PTPN4: variants seen among roughly 807,000 people sequenced by gnomAD.
PTPN4 encodes tyrosine-protein phosphatase non-receptor type 4.
PTPN4 carries 49 observed loss-of-function variants against 135.5 expected under a neutral mutation model. The ratio of observed to expected loss-of-function variants is 0.36; its 90% CI spans 0.29 to 0.46. The LOEUF (loss-of-function observed/expected upper bound fraction) is 0.46, where lower values mean the gene tolerates loss of function less well. Among genes scored for constraint, PTPN4 ranks in the 20% least tolerant of loss-of-function variants. PTPN4 has a pLI of 1.00. For missense variants in PTPN4, 860 were observed against 1,101.0 expected (o/e 0.78, Z 3.10); for synonymous variants, 333 against 369.9 (o/e 0.90, Z 1.14).
intron 9 of PTPN4, among the ~76,000 whole-genome samples, chr2:119,888,364 C>G (rs55896306): frequency 6.6e-5 from 10 of 152,158 alleles, no homozygotes; most frequent in African/African-American, 1.9e-4. Context: ...AGTGTTCTGG[C>G]TAGGACTTCC....
rs116645892 is a variant in PTPN4 at position 119,794,169 on chromosome 2, G to A, written c.-17-15668G>A. 3.3e-3 allele frequency among the ~76,000 whole-genome samples: 501 copies of A among 152,084 alleles called. 2 individuals carry two copies. Among genetic ancestry groups the A allele is most frequent in the African/African-American group, 0.011 (474 of 41,490 alleles). The stretch of plus-strand genomic sequence containing the variant: ...GGCCAGATTTTTTTTTAACAGCTTT[G>A]TTGAGGTAAAGTAGCATATAATAAG... On this transcript the variant is annotated intron_variant, in intron 1 of 26. Coordinates refer to ENST00000263708, the MANE Select transcript of PTPN4 (RefSeq NM_002830.4).
At chr2:119,922,218 TAAAAA>T (rs34480531) in intron 12 of PTPN4, among the ~76,000 whole-genome samples, 1 of 120,874 alleles carries the variant, frequency 8.3e-6, no homozygotes, top group East Asian at 2.5e-4. Context: ...CAATCTGATT[TAAAAA>T]AAAAAAAAAA....
intron 1 of PTPN4, among the ~76,000 whole-genome samples, chr2:119,797,680 T>C (rs1691287033): frequency 6.6e-6 from 1 of 152,244 alleles, no homozygotes; most frequent in Non-Finnish European, 1.5e-5. Context: ...CTAAATCCTT[T>C]AATCTCTATT....
At position 119,761,370 on chromosome 2, in the gene PTPN4, G is replaced by A. The variant is rs145744171; in HGVS notation, c.-18+986G>A. On this transcript the variant is annotated intron_variant, in intron 1 of 26. Coordinates refer to ENST00000263708, the MANE Select transcript of PTPN4 (RefSeq NM_002830.4). Reference sequence around the variant, plus strand: ...AAAAATTTTTTTTCAATTTTAAGGGGGAAGGAGATGGCCTTAAAATAAAGG... The same window carrying A: ...AAAAATTTTTTTTCAATTTTAAGGGAGAAGGAGATGGCCTTAAAATAAAGG... Among the ~76,000 whole-genome samples the A allele has an allele frequency of 3.2e-3, 494 of 152,228 alleles. 2 individuals are homozygous for A. The highest frequency in any genetic ancestry group is 0.011 in the African/African-American group (467 of 41,544).
chr2:119,855,364 T>C (rs1383325644), intron 2 of PTPN4, among the ~76,000 whole-genome samples: 3 of 152,204 alleles, frequency 2.0e-5, no homozygotes, highest in Non-Finnish European at 4.4e-5. Context: ...ATAGTACAAG[T>C]TCCCTTACAA....
At chr2:119,946,097 G>A (rs947814292) in intron 16 of PTPN4, among the ~76,000 whole-genome samples, 8 of 151,996 alleles carry the variant, frequency 5.3e-5, no homozygotes, top group African/African-American at 1.9e-4. Flanking sequence ...CATGGCCCCT[G>A]TTCCTCCTGT....
At chr2:119,952,178 T>A (rs1290203459) in intron 19 of PTPN4, 49 bp downstream of exon 19, 4 of 1,498,484 alleles carry the variant, frequency 2.7e-6, no homozygotes, top group Non-Finnish European at 3.7e-6. Context: ...TTATTACTGT[T>A]CATTACTGAG....
At position 119,884,173 on chromosome 2, in the gene PTPN4, C is replaced by T. The variant is rs1013652406; in HGVS notation, c.587+1550C>T. Among the ~76,000 whole-genome samples, 31 of 152,254 alleles carry T rather than the reference C, an allele frequency of 2.0e-4. 1 individual carries two copies. Among genetic ancestry groups the T allele is most frequent in the Admixed American group, 1.7e-3 (26 of 15,286 alleles). ...TTGGCCTCCCAAAGTGCTGGGATTA[C>T]AGGCGTGAGCCACCACGCCCAGCCC... On this transcript the variant is annotated intron_variant, in intron 8 of 26. Coordinates refer to ENST00000263708, the MANE Select transcript of PTPN4 (RefSeq NM_002830.4).
chr2:119,932,859 GGTT>G (rs1459658352), intron 14 of PTPN4, among the ~76,000 whole-genome samples: 1 of 152,154 alleles, frequency 6.6e-6, no homozygotes, highest in African/African-American at 2.4e-5. Flanking sequence ...AATCTTGTAT[GGTT>G]GTTGTTGACA....
At chr2:119,969,518 C>G (rs1679495084) in intron 26 of PTPN4, among the ~76,000 whole-genome samples, 1 of 151,448 alleles carries the variant, frequency 6.6e-6, no homozygotes, top group Non-Finnish European at 1.5e-5. Context: ...TTAAATAAAA[C>G]CGCAGTACAA....
chr2:119,839,308 A>G (rs1212363530), intron 2 of PTPN4, among the ~76,000 whole-genome samples: 1 of 152,208 alleles, frequency 6.6e-6, no homozygotes, highest in Non-Finnish European at 1.5e-5. Context: ...GACACATAGT[A>G]GATGCTCAAT....
At chr2:119,905,049 A>AC (rs70949372) in intron 10 of PTPN4, among the ~76,000 whole-genome samples, 58,650 of 145,706 alleles carry the variant, frequency 0.4, 13,269 homozygotes, top group East Asian at 0.59. Flanking sequence ...AAAAAAAAAA[A>AC]CAAATAATCA....
chr2:119,919,909 CAAAAAAGATCCTAG>C (rs1678712787), intron 11 of PTPN4, among the ~76,000 whole-genome samples, 146 bp from the exon 12 acceptor site: 1 of 150,028 alleles, frequency 6.7e-6, no homozygotes, highest in Non-Finnish European at 1.5e-5. Flanking sequence ...ATTGGATAAG[CAAAAAAGATCCTAG>C]ATAAAAGATC....
At chr2:119,780,401 A>C (rs1690914789) in intron 1 of PTPN4, among the ~76,000 whole-genome samples, 1 of 152,194 alleles carries the variant, frequency 6.6e-6, no homozygotes, top group African/African-American at 2.4e-5. Flanking sequence ...CCAATTGTTC[A>C]AGCAAGTCCC....
intron 26 of PTPN4, 34 bp from the exon 27 acceptor site, chr2:119,976,950 T>G (rs1444821537): frequency 1.3e-6 from 2 of 1,584,846 alleles, no homozygotes; most frequent in Non-Finnish European, 1.7e-6. Context: ...CTGACTTTTC[T>G]GATCAGTTCT....
chr2:119,809,491 A>G (rs961823829), intron 1 of PTPN4, among the ~76,000 whole-genome samples: 11 of 152,040 alleles, frequency 7.2e-5, no homozygotes, highest in African/African-American at 2.2e-4. Flanking sequence ...ACTTGCATCA[A>G]TGAGTAATAT....
rs1001828605 is a variant in PTPN4 at position 119,956,886 on chromosome 2, A to C, written c.2023A>C (p.Lys675Gln). The change falls in exon 21 of 27, where the codon AAA becomes CAA. Residue 675 changes from lysine to glutamine, a missense_variant. Lys to Gln is a moderately conservative substitution (Grantham distance 53). Around this residue, in one of 2 missense-constraint regions of PTPN4, gnomAD observed 684 missense variants for 807.0 expected, o/e 0.85. Transcript: ENST00000263708. ...ACCTGGAATGACAATGTCCTGTGCCAAATTACCTCAGAATATTTCCAAAAA... is the reference window on the plus strand; with the variant it reads ...ACCTGGAATGACAATGTCCTGTGCCCAATTACCTCAGAATATTTCCAAAAA... ...KKPGMTMSCA[K>Q]LPQNISKNRY... 1.1e-5 allele frequency: 18 copies of C among 1,609,260 alleles called. No individual in the cohort carries two copies. Among genetic ancestry groups the C allele is most frequent in the Non-Finnish European group, 1.4e-5 (17 of 1,178,978 alleles).
At chr2:119,925,118 G>A (rs931766317) in intron 12 of PTPN4, among the ~76,000 whole-genome samples, 2 of 152,092 alleles carry the variant, frequency 1.3e-5, no homozygotes, top group Non-Finnish European at 2.9e-5. Context: ...ATCTTGCAGA[G>A]AAGTACTGCT....
intron 2 of PTPN4, among the ~76,000 whole-genome samples, chr2:119,811,867 A>G (rs776757567): frequency 6.6e-6 from 1 of 151,848 alleles, no homozygotes; most frequent in Non-Finnish European, 1.5e-5. Flanking sequence ...TTAGAAAGAC[A>G]TATATATTAA....
Sources: gnomAD v4.1 joint callset for allele counts (sites outside exome capture counted in the v4.1 genomes callset) on GRCh38, gnomAD v4.1.1 for gene constraint, gnomAD v4.1.1 regional missense constraint, MANE v1.5 for transcripts, NCBI Gene and HGNC (gene_info 2026-07-23, HGNC 2026-07-21) for gene names.